Variants in ARHGEF15 observed in about 807,000 individuals in gnomAD.
The protein encoded by ARHGEF15 is Rho guanine nucleotide exchange factor 15.
In ARHGEF15, 58 loss-of-function variants were observed where a neutral mutation model predicts 79.7. That is an observed-to-expected ratio of 0.73 (90% CI 0.59 to 0.91). The LOEUF is 0.91. Ranked by LOEUF, ARHGEF15 falls within the 40% of genes least tolerant of loss-of-function variation. The probability of loss-of-function intolerance (pLI) is 0.00; values close to 1 mark genes in which losing one functional copy is unlikely to be tolerated. For synonymous variants in ARHGEF15, 442 were observed against 456.0 expected (o/e 0.97, Z 0.39); for missense variants, 1,012 against 1,108.1 (o/e 0.91, Z 1.23).
intron 4 of ARHGEF15, 143 bp from the exon 5 acceptor site, chr17:8,314,763 A>T (rs913156073): frequency 2.5e-5 from 17 of 690,114 alleles, no homozygotes; most frequent in Non-Finnish European, 3.8e-5. Flanking sequence ...AAAAAAAAAA[A>T]GCCTGAGGTT....
intron 1 of ARHGEF15, among the ~76,000 whole-genome samples, chr17:8,311,222 C>T (rs1597459640): frequency 6.6e-6 from 1 of 152,022 alleles, no homozygotes; most frequent in Non-Finnish European, 1.5e-5. Flanking sequence ...CCTCCTTCCT[C>T]GAGGGAGGAA....
At position 8,318,576 on chromosome 17, in the gene ARHGEF15, G is replaced by A. The variant is rs746554509; in HGVS notation, c.1786G>A (p.Glu596Lys). ...KALGAVSKIIERCSAEVGRMK... is the reference protein window; with the variant it reads ...KALGAVSKIIKRCSAEVGRMK... ...CACAGCTCCCCTTACCTAGATCATC[G>A]AGCGTTGCAGCGCTGAGGTGGGGCG... The change falls in exon 11 of 16, where the codon GAG (glutamate) becomes AAG (lysine). Residue 596 changes from glutamate to lysine, a missense_variant. Physicochemically the swap from Glu to Lys is moderately conservative, Grantham distance 56. Around this residue, in one of 3 missense-constraint regions of ARHGEF15, gnomAD observed 818 missense variants for 882.5 expected, o/e 0.93. Transcript: ENST00000361926. This position sits in a 1 kb window ranked among gnomAD's most constrained non-coding sequence, Gnocchi z 5.0. 1.8e-5 allele frequency: 29 copies of A among 1,613,286 alleles called. No individual in the cohort carries two copies. The highest frequency in any genetic ancestry group is 2.2e-5 in the East Asian group (1 of 44,872).
rs1215982824 is a variant in ARHGEF15, at chr17:8,318,295, G to C, written c.1705-92G>C. 1 of 1,261,064 alleles carries C rather than the reference G, an allele frequency of 7.9e-7. No homozygotes were observed. The highest frequency in any genetic ancestry group is 1.1e-6 in the Non-Finnish European group (1 of 895,438). 78.1% of individuals were successfully genotyped at this position (1,261,064 alleles called of 1,614,324 possible). ...AGGTCTGTCAGCCTTGTTGAAACTG[G>C]CTGAAACAGACAGGGTCCTCTGAGC... On this transcript the variant is annotated intron_variant, in intron 9 of 15. Transcript: ENST00000361926. The surrounding 1 kb of genome is among the most constrained non-coding windows in gnomAD (Gnocchi z 5.0).
In ARHGEF15 at chr17:8,319,349, C is replaced by A. The variant is rs773258836; in HGVS notation, c.2224C>A (p.Pro742Thr). 6.2e-7 allele frequency: 1 copy of A among 1,614,110 alleles called. No individual in the cohort carries two copies. Among genetic ancestry groups the A allele is most frequent in the East Asian group, 2.2e-5 (1 of 44,878 alleles). ...MQRWLGAFPTPGPLPCSPDTI... is the reference protein window; with the variant it reads ...MQRWLGAFPTTGPLPCSPDTI... ...GCGCTGGCTGGGAGCCTTCCCAACC[C>A]CAGGCCCCCTTCCCTGCTCCCCAGA... Residue 742 changes from proline (P) to threonine (T), a missense_variant, in exon 14 of 16, where the codon CCA (proline) becomes ACA (threonine). Transcript: ENST00000361926.
chr17:8,315,849 G>A lies in ARHGEF15; in HGVS notation c.1516G>A (p.Val506Met). 6.2e-7 allele frequency: 1 copy of A among 1,612,448 alleles called. No homozygotes were observed. The highest frequency in any genetic ancestry group is 8.5e-7 in the Non-Finnish European group (1 of 1,180,006). Reference sequence around the variant, plus strand: ...TGCCCACGCTGTGGGGCCTTTCTCGGTGTATGTGGATTATGTGCGGAACCA... The same window carrying A: ...TGCCCACGCTGTGGGGCCTTTCTCGATGTATGTGGATTATGTGCGGAACCA... ...VHAHAVGPFS[V>M]YVDYVRNQQY... is the part of the protein sequence containing the mutation. The change falls in exon 8 of 16, where the codon GTG becomes ATG. Residue 506 changes from valine (V) to methionine (M), a missense_variant. Val to Met is a conservative substitution (Grantham distance 21, BLOSUM62 1). This residue lies in a region of ARHGEF15 where 818 missense variants were observed against 882.5 expected (regional missense o/e 0.93). Coordinates refer to ENST00000361926, the MANE Select transcript of ARHGEF15 (RefSeq NM_173728.4). The surrounding 1 kb of genome is among the most constrained non-coding windows in gnomAD (Gnocchi z 4.3).
At position 8,319,608 on chromosome 17, in the gene ARHGEF15, G is replaced by A; in HGVS notation, c.2374+5G>A. 6.5e-7 allele frequency: 1 copy of A among 1,546,850 alleles called. No individual in the cohort carries two copies. Among genetic ancestry groups the A allele is most frequent in the Non-Finnish European group, 8.7e-7 (1 of 1,152,756 alleles). ...ACCTGCACAAGACCCCTGAAGGTGAGAAAGTCTTTCATTTATTTATTTTGT... is the reference window on the plus strand; with the variant it reads ...ACCTGCACAAGACCCCTGAAGGTGAAAAAGTCTTTCATTTATTTATTTTGT... On this transcript the variant is annotated splice_donor_5th_base_variant and intron_variant, in intron 15 of 15. Coordinates refer to ENST00000361926, the MANE Select transcript of ARHGEF15 (RefSeq NM_173728.4).
At position 8,315,522 on chromosome 17, in the gene ARHGEF15, G is replaced by A. The variant is rs778844802; in HGVS notation, c.1369G>A (p.Asp457Asn). Residue 457 changes from aspartate to asparagine, a missense_variant, in exon 7 of 16, where the codon GAT becomes AAT. Coordinates refer to ENST00000361926, the MANE Select transcript of ARHGEF15 (RefSeq NM_173728.4). The surrounding 1 kb of genome is among the most constrained non-coding windows in gnomAD (Gnocchi z 4.3). ...QALRDTLTPR[D>N]HHTLFSNVQR... ...ACTCCGGGACACGCTCACCCCCCGT[G>A]ATCACCACACACTCTTCTCCAATGT... The A allele has an allele frequency of 1.9e-6, 3 of 1,612,190 alleles. 1 individual carries two copies. The South Asian group carries it at 3.3e-5, about 18-fold the overall frequency.
chr17:8,312,914 T>G lies in ARHGEF15; in HGVS notation c.602-8T>G. On this transcript the variant is annotated splice_region_variant and splice_polypyrimidine_tract_variant and intron_variant, in intron 2 of 15. Coordinates refer to ENST00000361926, the MANE Select transcript of ARHGEF15 (RefSeq NM_173728.4). ...GGGCTTTCTCCTTAGGCTACCTGTC[T>G]CCCACAGATGCTGGCCTGGCCTGCC... is the stretch of plus-strand genomic sequence containing the variant. 6.4e-7 allele frequency: 1 copy of G among 1,568,732 alleles called. No homozygotes were observed. The highest frequency in any genetic ancestry group is 8.6e-7 in the Non-Finnish European group (1 of 1,159,400).
chr17:8,312,865 G>A, intron 2 of ARHGEF15, 57 bp from the exon 3 acceptor site: 1 of 1,567,278 alleles, frequency 6.4e-7, no homozygotes, highest in Non-Finnish European at 8.6e-7. Flanking sequence ...AGATGGTCTG[G>A]GCGGGGGTGG....
In ARHGEF15 at chr17:8,319,097, C is replaced by T. The variant is rs553491591; in HGVS notation, c.2124C>T (p.Arg708=). The T allele has an allele frequency of 6.2e-7, 1 of 1,614,046 alleles. No homozygotes were observed. Among genetic ancestry groups the T allele is most frequent in the Admixed American group, 1.7e-5 (1 of 60,028 alleles). ...VPDPSGPPTF[R]LSLLSNHQGR... ...ATCCATCTGGACCCCCTACCTTCCG[C>T]CTCTCCCTTCTCAGCAACCACCAGG... Residue 708 remains arginine (R), a synonymous_variant, in exon 13 of 16, where the codon CGC becomes CGT. Transcript: ENST00000361926.
intron 14 of ARHGEF15, 49 bp from the exon 15 acceptor site, chr17:8,319,449 TG>T: frequency 6.3e-7 from 1 of 1,595,764 alleles, no homozygotes; most frequent in Middle Eastern, 1.7e-4. Flanking sequence ...TAGAGGAATA[TG>T]GGGGAGAAGC....
In ARHGEF15 at chr17:8,312,602, C is replaced by A. The variant is rs142622501; in HGVS notation, c.563C>A (p.Pro188His). The stretch of plus-strand genomic sequence containing the variant: ...GATGTGAATGGGGAGAGAGAAGCTC[C>A]CCTCACCGGGAGTGGGTCCCAGGAG... ...RADVNGEREA[P>H]LTGSGSQENG... The change falls in exon 2 of 16, where the codon CCC (proline) becomes CAC (histidine). Residue 188 changes from proline to histidine, a missense_variant. This residue lies in a region of ARHGEF15 where 818 missense variants were observed against 882.5 expected (regional missense o/e 0.93). Coordinates refer to ENST00000361926, the MANE Select transcript of ARHGEF15 (RefSeq NM_173728.4). 81 of 1,612,826 alleles carry A rather than the reference C, an allele frequency of 5.0e-5. No homozygotes were observed. The highest frequency in any genetic ancestry group is 6.7e-5 in the Non-Finnish European group (79 of 1,179,702).
At position 8,318,923 on chromosome 17, in the gene ARHGEF15, G is replaced by A. The variant is rs756412395; in HGVS notation, c.2033+13G>A. 1.9e-6 allele frequency: 3 copies of A among 1,610,592 alleles called. No individual in the cohort carries two copies. Among genetic ancestry groups the A allele is most frequent in the East Asian group, 4.5e-5 (2 of 44,816 alleles). ...CTCAGCCTAAGAGGTGAGTCCTAGG[G>A]AAGGAAGGAGCCCAGGCTGGAGTGG... On this transcript the variant is annotated intron_variant, in intron 12 of 15. Coordinates refer to ENST00000361926, the MANE Select transcript of ARHGEF15 (RefSeq NM_173728.4). The surrounding 1 kb of genome is among the most constrained non-coding windows in gnomAD (Gnocchi z 5.0).
chr17:8,314,877 G>T, intron 4 of ARHGEF15, 29 bp from the exon 5 acceptor site: 1 of 1,612,646 alleles, frequency 6.2e-7, no homozygotes, highest in East Asian at 2.2e-5. Context: ...GGTGGCCCTG[G>T]GGACTTCCTT....
rs938978540 is a variant in ARHGEF15, at chr17:8,318,756, C to T, written c.1879C>T (p.Pro627Ser). 6.2e-7 allele frequency: 1 copy of T among 1,612,656 alleles called. No individual in the cohort carries two copies. The highest frequency in any genetic ancestry group is 1.3e-5 in the African/African-American group (1 of 74,904). Residue 627 changes from proline to serine, a missense_variant, in exon 12 of 16, where the codon CCC (proline) becomes TCC (serine). Physicochemically the swap from Pro to Ser is moderately conservative, Grantham distance 74. Coordinates refer to ENST00000361926, the MANE Select transcript of ARHGEF15 (RefSeq NM_173728.4). The surrounding 1 kb of genome is among the most constrained non-coding windows in gnomAD (Gnocchi z 5.0). ...TGCCTCCGCTTCCTCGCAGGCCCTGCCCCTGGTCTCCTGGTCACGGCGCCT... is the reference window on the plus strand; with the variant it reads ...TGCCTCCGCTTCCTCGCAGGCCCTGTCCCTGGTCTCCTGGTCACGGCGCCT... The part of the protein sequence containing the change: ...RLRFHKVKAL[P>S]LVSWSRRLEF...
intron 15 of ARHGEF15, among the ~76,000 whole-genome samples, chr17:8,320,429 T>C (rs1262250423): frequency 3.3e-5 from 5 of 151,672 alleles, no homozygotes; most frequent in Admixed American, 6.6e-5. Context: ...GGGGGAAGAG[T>C]GTCCCAGCTG....
chr17:8,317,957 T>G (rs1244786953), intron 9 of ARHGEF15: 1 of 154,690 alleles, frequency 6.5e-6, no homozygotes, highest in Non-Finnish European at 1.4e-5. Flanking sequence ...TAATCCCAGC[T>G]ACTTGGGAGG....
At chr17:8,312,813 C>T in intron 2 of ARHGEF15, 109 bp from the exon 3 acceptor site, 1 of 1,554,320 alleles carries the variant, frequency 6.4e-7, no homozygotes, top group East Asian at 2.2e-5. Flanking sequence ...TCTATAGATG[C>T]CTGGACCTTG....
At chr17:8,313,711 C>A (rs768948977) in intron 4 of ARHGEF15, 156 bp downstream of exon 4, 50 of 673,032 alleles carry the variant, frequency 7.4e-5, no homozygotes, top group Non-Finnish European at 1.1e-4. Flanking sequence ...TTTCGAATCC[C>A]AGCTCTGGCC....
Sources: allele counts gnomAD v4.1 joint callset (sites outside exome capture counted in the v4.1 genomes callset), GRCh38; gene constraint gnomAD v4.1.1; regional missense constraint gnomAD v4.1.1; non-coding constraint Gnocchi (gnomAD v3.1); transcripts MANE v1.5; gene names NCBI Gene and HGNC (gene_info 2026-07-23, HGNC 2026-07-21).